Variants in IRF2 observed in about 807,000 individuals in gnomAD.
IRF2 encodes interferon regulatory factor 2.
Under a neutral mutation model 40.6 loss-of-function variants are expected in IRF2, and 15 were observed. The observed-to-expected ratio is 0.37, with a 90% CI of 0.25 to 0.57. The LOEUF (loss-of-function observed/expected upper bound fraction) is 0.57. Ranked by LOEUF, IRF2 falls within the 20% of genes least tolerant of loss-of-function variation. IRF2 has a pLI of 0.77. For missense variants in IRF2, 317 were observed against 455.7 expected (o/e 0.70, Z 2.77); for synonymous variants, 151 against 165.5 (o/e 0.91, Z 0.67).
At chr4:184,417,809 TA>T (rs1737335788) in intron 5 of IRF2, among the ~76,000 whole-genome samples, 1 of 151,966 alleles carries the variant, frequency 6.6e-6, no homozygotes, top group Non-Finnish European at 1.5e-5. Flanking sequence ...AAAGTATACT[TA>T]ATAGCCTGAA....
Position 184,408,274 on chromosome 4 carries a change from T to C in IRF2, c.413A>G (p.Gln138Arg). ...EKEDKVKHIK[Q>R]EPVESSLGLS... is the part of the protein sequence containing the mutation. Reference sequence around the variant, plus strand: ...CCCCAGAGATGACTCAACTGGTTCTTGCTAGGAAGAAGAAAAGAAAAAAGA... The same window carrying C: ...CCCCAGAGATGACTCAACTGGTTCTCGCTAGGAAGAAGAAAAGAAAAAAGA... Residue 138 changes from glutamine to arginine, a missense_variant and splice_region_variant, in exon 6 of 9, where the codon CAA becomes CGA. Gln to Arg is a conservative substitution (Grantham distance 43). Around this residue, in one of 2 missense-constraint regions of IRF2, gnomAD observed 262 missense variants for 334.0 expected, o/e 0.78. Coordinates refer to ENST00000393593, the MANE Select transcript of IRF2 (RefSeq NM_002199.4). This position sits in a 1 kb window ranked among gnomAD's most constrained non-coding sequence, Gnocchi z 4.9. 1 of 1,582,988 alleles carries C rather than the reference T, an allele frequency of 6.3e-7. No homozygotes were observed. Among genetic ancestry groups the C allele is most frequent in the Non-Finnish European group, 8.7e-7 (1 of 1,152,886 alleles).
At chr4:184,389,163 T>A in intron 8 of IRF2, 97 bp from the exon 9 acceptor site, 10 of 1,201,262 alleles carry the variant, frequency 8.3e-6, no homozygotes, top group Non-Finnish European at 1.2e-5. Flanking sequence ...CTCATGCCTG[T>A]AATCCCAGCA....
intron 6 of IRF2, among the ~76,000 whole-genome samples, chr4:184,404,018 A>G (rs1304563070): frequency 6.6e-6 from 1 of 152,172 alleles, no homozygotes; most frequent in Non-Finnish European, 1.5e-5. Context: ...TTCTCACTTT[A>G]TTAGCAATTG....
In IRF2 at chr4:184,390,729, C is replaced by T. The variant is rs1334037186; in HGVS notation, c.715G>A (p.Val239Met). 1 of 1,614,114 alleles carries T rather than the reference C, an allele frequency of 6.2e-7. No homozygotes were observed. Among genetic ancestry groups the T allele is most frequent in the African/African-American group, 1.3e-5 (1 of 74,926 alleles). ...SYAESETTDS[V>M]PSDEESAEGR... The stretch of plus-strand genomic sequence containing the variant: ...TCGGCACTCTCTTCATCGCTGGGCA[C>T]ACTATCAGTCGTTTCGCTTTCTGTT... The change falls in exon 8 of 9, where the codon GTG becomes ATG. Residue 239 changes from valine to methionine, a missense_variant. Coordinates refer to ENST00000393593, the MANE Select transcript of IRF2 (RefSeq NM_002199.4).
intron 3 of IRF2, 63 bp downstream of exon 3, chr4:184,419,406 G>A: frequency 9.1e-7 from 1 of 1,096,586 alleles, no homozygotes; most frequent in Non-Finnish European, 1.4e-6. Context: ...TATTTTATGT[G>A]TAATAAAAAC....
intron 1 of IRF2, among the ~76,000 whole-genome samples, chr4:184,447,347 C>A (rs76283714): frequency 1.3e-5 from 2 of 152,028 alleles, no homozygotes; most frequent in Admixed American, 1.3e-4. Flanking sequence ...TTGGAATCTA[C>A]GAATAAATAA....
At chr4:184,422,970 C>A (rs1459873870) in intron 2 of IRF2, among the ~76,000 whole-genome samples, 3 of 151,968 alleles carry the variant, frequency 2.0e-5, no homozygotes, top group African/African-American at 7.2e-5. Flanking sequence ...GTTTTTCATA[C>A]TTCAGGAAAA....
intron 7 of IRF2, among the ~76,000 whole-genome samples, chr4:184,394,364 G>C (rs373262414): frequency 2.6e-4 from 40 of 152,322 alleles, no homozygotes; most frequent in African/African-American, 9.4e-4. Context: ...ACTGCGGGAA[G>C]GGAGAGGATG....
chr4:184,465,292 G>T (rs982539954), intron 1 of IRF2, among the ~76,000 whole-genome samples: 2 of 152,180 alleles, frequency 1.3e-5, no homozygotes, highest in African/African-American at 4.8e-5. Context: ...AGGCAGAAAG[G>T]CTCGAGAATG....
chr4:184,432,724 C>A (rs1737932106), intron 1 of IRF2, among the ~76,000 whole-genome samples: 1 of 152,234 alleles, frequency 6.6e-6, no homozygotes, highest in South Asian at 2.1e-4. Context: ...AAGAATGCCG[C>A]GTGAAGACAC....
intron 1 of IRF2, among the ~76,000 whole-genome samples, chr4:184,449,830 A>C (rs1255472991): frequency 6.6e-6 from 1 of 152,222 alleles, no homozygotes; most frequent in Non-Finnish European, 1.5e-5. Context: ...GGCCGTTACC[A>C]AGAACTATGG....
chr4:184,408,495 G>A lies in IRF2; in HGVS notation c.412-220C>T, dbSNP rs1579815398. Among the ~76,000 whole-genome samples the A allele has an allele frequency of 6.6e-6, 1 of 152,152 alleles. No individual in the cohort carries two copies. Among genetic ancestry groups the A allele is most frequent in the Non-Finnish European group, 1.5e-5 (1 of 68,028 alleles). On this transcript the variant is annotated intron_variant, in intron 5 of 8. Transcript: ENST00000393593. This position sits in a 1 kb window ranked among gnomAD's most constrained non-coding sequence, Gnocchi z 4.9. ...TCAGCTCCTTCCATTTTCCTTCAAGGAAACGGTACCGGCCCATCTGGCTTG... is the reference window on the plus strand; with the variant it reads ...TCAGCTCCTTCCATTTTCCTTCAAGAAAACGGTACCGGCCCATCTGGCTTG...
At chr4:184,426,502 A>G (rs1737679820) in intron 2 of IRF2, among the ~76,000 whole-genome samples, 1 of 152,098 alleles carries the variant, frequency 6.6e-6, no homozygotes, top group Admixed American at 6.6e-5. Context: ...CACCCAGAAA[A>G]TCCAGGATGA....
At chr4:184,416,317 CAA>C (rs1383527631) in intron 5 of IRF2, among the ~76,000 whole-genome samples, 1 of 35,026 alleles carries the variant, frequency 2.9e-5, no homozygotes. Context: ...GACCTTGTCT[CAA>C]AAAAAAAACA....
chr4:184,402,903 G>C (rs1054497438), intron 6 of IRF2, among the ~76,000 whole-genome samples: 4 of 152,150 alleles, frequency 2.6e-5, no homozygotes, highest in African/African-American at 9.7e-5. Flanking sequence ...GCCTTAAAAG[G>C]GGTGAATTTT....
At chr4:184,470,078 T>A (rs1739462012) in intron 1 of IRF2, among the ~76,000 whole-genome samples, 1 of 152,168 alleles carries the variant, frequency 6.6e-6, no homozygotes, top group African/African-American at 2.4e-5. Context: ...TGCATGAAGC[T>A]GGCATCGTGC....
intron 7 of IRF2, among the ~76,000 whole-genome samples, chr4:184,392,779 A>G (rs1008411263): frequency 1.3e-5 from 2 of 152,200 alleles, no homozygotes; most frequent in African/African-American, 4.8e-5. Context: ...CCCAGCCTGG[A>G]GTCTCTGGGC....
At chr4:184,473,056 G>C (rs1028722932) in intron 1 of IRF2, among the ~76,000 whole-genome samples, 1 of 152,112 alleles carries the variant, frequency 6.6e-6, no homozygotes, top group Non-Finnish European at 1.5e-5. Flanking sequence ...CCCCCAGGCC[G>C]TGCCACTGGG....
At chr4:184,436,879 C>T (rs1738099542) in intron 1 of IRF2, among the ~76,000 whole-genome samples, 1 of 152,066 alleles carries the variant, frequency 6.6e-6, no homozygotes, top group South Asian at 2.1e-4. Context: ...ACTAGTATCC[C>T]CATTTTATTT....
Sources: gnomAD v4.1 joint callset for allele counts (sites outside exome capture counted in the v4.1 genomes callset) on GRCh38, gnomAD v4.1.1 for gene constraint, gnomAD v4.1.1 regional missense constraint, Gnocchi (gnomAD v3.1) non-coding constraint, MANE v1.5 for transcripts, NCBI Gene and HGNC (gene_info 2026-07-23, HGNC 2026-07-21) for gene names.